CDH4: variants seen among roughly 807,000 people sequenced by gnomAD.
CDH4 encodes the protein cadherin 4.
CDH4 carries 33 observed loss-of-function variants against 86.0 expected under a neutral mutation model. That is an observed-to-expected ratio of 0.38 (90% CI 0.29 to 0.51). The LOEUF is 0.51. Ranked by LOEUF, CDH4 falls within the 20% of genes least tolerant of loss-of-function variation. The pLI is 0.86. For synonymous variants in CDH4, 555 were observed against 549.4 expected, an observed-to-expected ratio of 1.01 and a Z score of -0.14; for missense variants, 1,114 against 1,307.4, an observed-to-expected ratio of 0.85 and a Z score of 2.28.
intron 2 of CDH4, among the ~76,000 whole-genome samples, chr20:61,372,514 T>A (rs780771078): frequency 1.9e-4 from 29 of 152,156 alleles, no homozygotes; most frequent in Admixed American, 3.3e-4. Context: ...CAGCACAGAT[T>A]CATATTTCAG....
intron 4 of CDH4, among the ~76,000 whole-genome samples, chr20:61,803,431 A>G (rs1010001924): frequency 1.3e-5 from 2 of 152,230 alleles, no homozygotes; most frequent in African/African-American, 4.8e-5. Flanking sequence ...TTTTCGTTCA[A>G]CTGTTCAACT....
chr20:61,270,968 C>T (rs1290435058), intron 2 of CDH4, among the ~76,000 whole-genome samples: 9 of 152,238 alleles, frequency 5.9e-5, no homozygotes, highest in Admixed American at 4.6e-4. Context: ...TCGATCTAGC[C>T]GCCCTGACAC....
At chr20:61,315,582 G>C (rs1039548808) in intron 2 of CDH4, among the ~76,000 whole-genome samples, 1 of 152,218 alleles carries the variant, frequency 6.6e-6, no homozygotes, top group African/African-American at 2.4e-5. Context: ...GGAGGATGTC[G>C]GGGAGAAACG....
At chr20:61,673,432 C>T (rs2087411929) in intron 2 of CDH4, among the ~76,000 whole-genome samples, 1 of 152,222 alleles carries the variant, frequency 6.6e-6, no homozygotes, top group Non-Finnish European at 1.5e-5. Context: ...GTGGGGCACA[C>T]AGGGAGGCTG....
chr20:61,476,971 G>C (rs943796394), intron 2 of CDH4, among the ~76,000 whole-genome samples: 1 of 152,226 alleles, frequency 6.6e-6, no homozygotes, highest in Non-Finnish European at 1.5e-5. Flanking sequence ...GAAGCCCCGG[G>C]AGAGACAGAG....
chr20:61,808,651 C>T (rs571863613), intron 4 of CDH4, among the ~76,000 whole-genome samples: 1 of 152,222 alleles, frequency 6.6e-6, no homozygotes, highest in African/African-American at 2.4e-5. Flanking sequence ...AGCAGCTTCT[C>T]CGGCAGCACG....
At chr20:61,528,462 A>AGGAGGGGAG (rs2085928208) in intron 2 of CDH4, among the ~76,000 whole-genome samples, 1 of 16,218 alleles carries the variant, frequency 6.2e-5, no homozygotes, top group Non-Finnish European at 1.3e-4. Flanking sequence ...GGAGGGGGAG[A>AGGAGGGGAG]GGGAGGGGGA....
chr20:61,526,169 C>CA (rs1004203711), intron 2 of CDH4, among the ~76,000 whole-genome samples: 1 of 150,914 alleles, frequency 6.6e-6, no homozygotes, highest in African/African-American at 2.5e-5. Context: ...TGCTGGTGCC[C>CA]CTCCCCCTCC....
At chr20:61,785,087 C>A (rs144320482) in intron 4 of CDH4, among the ~76,000 whole-genome samples, 2 of 152,308 alleles carry the variant, frequency 1.3e-5, no homozygotes, top group Non-Finnish European at 2.9e-5. Flanking sequence ...CAGGACACTC[C>A]TCCCTGGCTC....
chr20:61,764,644 A>G (rs1568802763), intron 3 of CDH4, among the ~76,000 whole-genome samples: 1 of 152,192 alleles, frequency 6.6e-6, no homozygotes, highest in Non-Finnish European at 1.5e-5. Flanking sequence ...CCACTTATGC[A>G]TGGGGCTTTG....
intron 2 of CDH4, among the ~76,000 whole-genome samples, chr20:61,504,788 C>T (rs989087862): frequency 3.3e-5 from 5 of 152,218 alleles, no homozygotes; most frequent in African/African-American, 4.8e-5. Flanking sequence ...GATGGCTGTG[C>T]GTGGTGGCAC....
chr20:61,478,296 C>A (rs1425505045), intron 2 of CDH4, among the ~76,000 whole-genome samples: 3 of 152,158 alleles, frequency 2.0e-5, no homozygotes. Context: ...CTGGGCAGCA[C>A]CAGGAGGCCC....
chr20:61,735,018 G>A (rs1196677976), intron 2 of CDH4, among the ~76,000 whole-genome samples: 4 of 152,174 alleles, frequency 2.6e-5, no homozygotes, highest in African/African-American at 7.2e-5. Flanking sequence ...GGCCCCTCCC[G>A]GCAAGCACCA....
At chr20:61,563,930 C>A (rs749895528) in intron 2 of CDH4, among the ~76,000 whole-genome samples, 1 of 152,124 alleles carries the variant, frequency 6.6e-6, no homozygotes, top group Non-Finnish European at 1.5e-5. Context: ...GCCTTCTTGG[C>A]GGCAAAACTC....
intron 9 of CDH4, among the ~76,000 whole-genome samples, chr20:61,920,054 C>CGTGGAAGCGTGTT (rs2054954609): frequency 2.6e-4 from 2 of 7,790 alleles, no homozygotes; most frequent in Non-Finnish European, 3.5e-4. Context: ...AGCATGGTAT[C>CGTGGAAGCGTGTT]GTGATTGTGT....
intron 4 of CDH4, among the ~76,000 whole-genome samples, chr20:61,818,689 T>TAA (rs150034277): frequency 0.02 from 2,828 of 141,582 alleles, 118 homozygotes; most frequent in East Asian, 0.13. Context: ...AACTAAAAAT[T>TAA]TAAAAAAAAA....
At chr20:61,491,826 G>A (rs977988667) in intron 2 of CDH4, among the ~76,000 whole-genome samples, 23 of 151,098 alleles carry the variant, frequency 1.5e-4, no homozygotes, top group Non-Finnish European at 3.0e-4. Context: ...TGTTGGTGGC[G>A]GTGGTGCTGA....
intron 2 of CDH4, among the ~76,000 whole-genome samples, chr20:61,391,636 C>A (rs1411799853): frequency 6.6e-6 from 1 of 152,174 alleles, no homozygotes; most frequent in Non-Finnish European, 1.5e-5. Context: ...CATGTCTGTG[C>A]TTGGTTAGTA....
At chr20:61,788,814 G>C (rs947023807) in intron 4 of CDH4, among the ~76,000 whole-genome samples, 3 of 152,234 alleles carry the variant, frequency 2.0e-5, no homozygotes, top group Non-Finnish European at 2.9e-5. Context: ...TGGGAGACGA[G>C]GCCCAAAAGC....
Sources: gnomAD v4.1 joint callset for allele counts (sites outside exome capture counted in the v4.1 genomes callset) on GRCh38, gnomAD v4.1.1 for gene constraint, MANE v1.5 for transcripts, NCBI Gene and HGNC (gene_info 2026-07-23, HGNC 2026-07-21) for gene names.